The following BBS9 variants were observed in gnomAD, a reference collection of about 807,000 sequenced individuals.
BBS9 encodes the protein Bardet-Biedl syndrome 9.
A neutral mutation model predicts 117.7 loss-of-function variants in BBS9; 89 were observed. The observed-to-expected ratio is 0.76, with a 90% CI of 0.64 to 0.90. The LOEUF (loss-of-function observed/expected upper bound fraction) is 0.90. Ranked by LOEUF, BBS9 falls within the 40% of genes least tolerant of loss-of-function variation. BBS9 has a pLI of 0.00. For synonymous variants in BBS9, 379 were observed against 370.9 expected (o/e 1.02, Z -0.25); for missense variants, 982 against 1,042.2 (o/e 0.94, Z 0.80).
chr7:33,524,809 C>A (rs1453687990), intron 20 of BBS9, among the ~76,000 whole-genome samples: 4 of 152,058 alleles, frequency 2.6e-5, no homozygotes, highest in Admixed American at 6.5e-5. Context: ...TGTGTTTGCT[C>A]TTGCTTTTCT....
At chr7:33,554,321 A>G (rs1854933163) in intron 21 of BBS9, among the ~76,000 whole-genome samples, 1 of 152,188 alleles carries the variant, frequency 6.6e-6, no homozygotes, top group Non-Finnish European at 1.5e-5. Flanking sequence ...ATGTTTTGGA[A>G]AACAGCTGGA....
rs958018484 is a variant in BBS9, at chr7:33,142,168, G to A, written c.-11-4074G>A. 7.2e-5 allele frequency among the ~76,000 whole-genome samples: 11 copies of A among 152,158 alleles called. No individual in the cohort carries two copies. The South Asian group carries it at 1.0e-3, about 14-fold the overall frequency. On this transcript the variant is annotated intron_variant, in intron 1 of 22. Coordinates refer to ENST00000242067, the MANE Select transcript of BBS9 (RefSeq NM_198428.3). ...GATCTCCTGACCTCGTGATCCGCCC[G>A]CCTCGGCCTCCCAAAGTGCTGGGAT...
At chr7:33,430,514 A>T (rs1834281861) in intron 19 of BBS9, among the ~76,000 whole-genome samples, 1 of 152,166 alleles carries the variant, frequency 6.6e-6, no homozygotes, top group South Asian at 2.1e-4. Context: ...CTCTTCTGGG[A>T]GAATACAAAG....
rs1256753546 is a variant in BBS9 at position 33,139,029 on chromosome 7, G to C, written c.-11-7213G>C. On this transcript the variant is annotated intron_variant, in intron 1 of 22. Transcript: ENST00000242067. ...GCACTTTGGGAGGCTGAGGTCGGCG[G>C]ATCACCTAAGTTCAGGAGTTCAAGA... 4.0e-5 allele frequency among the ~76,000 whole-genome samples: 6 copies of C among 151,346 alleles called. No individual in the cohort carries two copies. The South Asian group carries it at 1.2e-3, about 32-fold the overall frequency.
chr7:33,387,118 A>C (rs1194878202), intron 18 of BBS9, among the ~76,000 whole-genome samples: 1 of 152,098 alleles, frequency 6.6e-6, no homozygotes, highest in Admixed American at 6.5e-5. Context: ...CAGTTCCCCT[A>C]TTGATGGGAA....
At chr7:33,168,888 C>A (rs1796096076) in intron 4 of BBS9, among the ~76,000 whole-genome samples, 1 of 151,914 alleles carries the variant, frequency 6.6e-6, no homozygotes, top group Admixed American at 6.6e-5. Context: ...TATACATGTG[C>A]CATGCTGGTG....
At chr7:33,548,175 C>T (rs1853722030) in intron 21 of BBS9, among the ~76,000 whole-genome samples, 1 of 152,064 alleles carries the variant, frequency 6.6e-6, no homozygotes, top group Non-Finnish European at 1.5e-5. Flanking sequence ...GATGTTTATA[C>T]TAATGTGGAT....
At chr7:33,326,003 T>C (rs370639976) in intron 9 of BBS9, among the ~76,000 whole-genome samples, 6 of 152,002 alleles carry the variant, frequency 3.9e-5, no homozygotes, top group African/African-American at 4.8e-5. Context: ...ACCACTTACG[T>C]GTGGTCAAGT....
At chr7:33,369,600 T>A (rs1822472041) in intron 17 of BBS9, among the ~76,000 whole-genome samples, 1 of 152,128 alleles carries the variant, frequency 6.6e-6, no homozygotes, top group Non-Finnish European at 1.5e-5. Context: ...TGAATAATAG[T>A]CATTACAATT....
At chr7:33,361,559 G>A (rs528238415) in intron 16 of BBS9, among the ~76,000 whole-genome samples, 5 of 152,138 alleles carry the variant, frequency 3.3e-5, no homozygotes, top group African/African-American at 9.6e-5. Flanking sequence ...AGGTTCATGC[G>A]CATGATAGCA....
chr7:33,245,211 A>G (rs1795144875), intron 5 of BBS9, among the ~76,000 whole-genome samples: 1 of 149,730 alleles, frequency 6.7e-6, no homozygotes, highest in Non-Finnish European at 1.5e-5. Context: ...TTTTCCTTGT[A>G]GAGTTCTCAG....
At chr7:33,348,948 C>T (rs1207759157) in intron 12 of BBS9, 120 bp from the exon 13 acceptor site, 3 of 704,568 alleles carry the variant, frequency 4.3e-6, no homozygotes, top group African/African-American at 1.8e-5. Context: ...TTTGTGACTA[C>T]TCATTTTTTC....
At chr7:33,550,031 G>T (rs1277544304) in intron 21 of BBS9, among the ~76,000 whole-genome samples, 2 of 146,198 alleles carry the variant, frequency 1.4e-5, no homozygotes, top group Non-Finnish European at 3.0e-5. Flanking sequence ...AATCATGAAG[G>T]GATTTCTACT....
intron 6 of BBS9, among the ~76,000 whole-genome samples, chr7:33,261,006 G>A (rs1562895221): frequency 6.6e-6 from 1 of 151,622 alleles, no homozygotes; most frequent in Non-Finnish European, 1.5e-5. Flanking sequence ...CCAATCTTTG[G>A]CTCTGACCAA....
chr7:33,402,390 G>T (rs10253352), intron 19 of BBS9, among the ~76,000 whole-genome samples: 4 of 152,084 alleles, frequency 2.6e-5, no homozygotes, highest in African/African-American at 7.2e-5. Flanking sequence ...AAATTCATGC[G>T]TTGTAGTGTA....
At chr7:33,385,518 A>G (rs1334536483) in intron 18 of BBS9, among the ~76,000 whole-genome samples, 1 of 152,198 alleles carries the variant, frequency 6.6e-6, no homozygotes, top group Non-Finnish European at 1.5e-5. Context: ...ATCAACAGAT[A>G]TTTGTTAAGC....
At chr7:33,360,494 C>T (rs1053166557) in intron 16 of BBS9, among the ~76,000 whole-genome samples, 1 of 149,928 alleles carries the variant, frequency 6.7e-6, no homozygotes, top group South Asian at 2.1e-4. Context: ...GCTTCTGGCA[C>T]CCCAGAAAAG....
At chr7:33,630,457 T>C (rs1159038190) in intron 21 of BBS9, among the ~76,000 whole-genome samples, 1 of 152,196 alleles carries the variant, frequency 6.6e-6, no homozygotes, top group Non-Finnish European at 1.5e-5. Context: ...TTACTGCCTG[T>C]TGAGCCAACT....
chr7:33,517,139 G>C (rs1847919439), intron 20 of BBS9, among the ~76,000 whole-genome samples: 1 of 152,196 alleles, frequency 6.6e-6, no homozygotes, highest in Non-Finnish European at 1.5e-5. Context: ...AAGAAAATGG[G>C]AGAAGAGTTA....
Sources: gnomAD v4.1 joint callset for allele counts (sites outside exome capture counted in the v4.1 genomes callset) on GRCh38, gnomAD v4.1.1 for gene constraint, MANE v1.5 for transcripts, NCBI Gene and HGNC (gene_info 2026-07-23, HGNC 2026-07-21) for gene names.